Variants in SLC44A1 observed in about 807,000 individuals in gnomAD.
SLC44A1 encodes the protein solute carrier family 44 member 1, also known as choline transporter-like protein 1.
In SLC44A1, 26 loss-of-function variants were observed where a neutral mutation model predicts 79.3. The observed-to-expected ratio is 0.33, with a 90% CI of 0.24 to 0.46. The LOEUF (loss-of-function observed/expected upper bound fraction) is 0.46, where lower values mean the gene tolerates loss of function less well. SLC44A1 is among the 20% of genes least tolerant of loss of function. The probability of loss-of-function intolerance (pLI) is 1.00; values close to 1 mark genes in which losing one functional copy is unlikely to be tolerated. For synonymous variants in SLC44A1, 263 were observed against 286.2 expected, an observed-to-expected ratio of 0.92 and a Z score of 0.82; for missense variants, 688 against 798.1, an observed-to-expected ratio of 0.86 and a Z score of 1.66.
chr9:105,359,303 C>A (rs1201661865), intron 7 of SLC44A1, among the ~76,000 whole-genome samples: 3 of 151,626 alleles, frequency 2.0e-5, no homozygotes, highest in Non-Finnish European at 4.4e-5. Flanking sequence ...AGGAAAATTA[C>A]CAAAAAAGTA....
At chr9:105,363,741 A>C (rs1268959920) in intron 9 of SLC44A1, among the ~76,000 whole-genome samples, 1 of 152,250 alleles carries the variant, frequency 6.6e-6, no homozygotes, top group African/African-American at 2.4e-5. Flanking sequence ...CTGGGATTAC[A>C]GGCGTGAGCC....
At chr9:105,342,907 A>G (rs931999554) in intron 4 of SLC44A1, among the ~76,000 whole-genome samples, 1 of 151,980 alleles carries the variant, frequency 6.6e-6, no homozygotes, top group Non-Finnish European at 1.5e-5. Context: ...TGAGAGGCCA[A>G]GGCGGGAGGA....
At chr9:105,244,938 G>A (rs1829390962) in intron 1 of SLC44A1, 34 bp downstream of exon 1, 1 of 1,127,656 alleles carries the variant, frequency 8.9e-7, no homozygotes, top group Non-Finnish European at 1.1e-6. Context: ...CGCCCGCCCG[G>A]ATGCCTCCCG....
At chr9:105,315,082 C>T (rs1325957669) in intron 3 of SLC44A1, among the ~76,000 whole-genome samples, 1 of 151,994 alleles carries the variant, frequency 6.6e-6, no homozygotes, top group Non-Finnish European at 1.5e-5. Context: ...TCCCTCCTAA[C>T]GTTTAAAGAT....
Position 105,334,565 on chromosome 9 carries a change from A to G in SLC44A1, c.270-998A>G, listed in dbSNP as rs147712686. Among the ~76,000 whole-genome samples the G allele has an allele frequency of 3.4e-3, 524 of 152,216 alleles. 3 individuals carry two copies. Among genetic ancestry groups the G allele is most frequent in the African/African-American group, 0.012 (497 of 41,548 alleles). ...GATGCATGATTTTATAAAACTTCCTATGGACTCAGTGGAATTGAACCCTGG... is the reference window on the plus strand; with the variant it reads ...GATGCATGATTTTATAAAACTTCCTGTGGACTCAGTGGAATTGAACCCTGG... On this transcript the variant is annotated intron_variant, in intron 3 of 15. Coordinates refer to ENST00000374720, the MANE Select transcript of SLC44A1 (RefSeq NM_080546.5).
intron 1 of SLC44A1, among the ~76,000 whole-genome samples, chr9:105,258,628 C>A: frequency 6.6e-6 from 1 of 152,210 alleles, no homozygotes; most frequent in South Asian, 2.1e-4. Context: ...TTGAATGTAC[C>A]TTAGATACCA....
intron 1 of SLC44A1, among the ~76,000 whole-genome samples, chr9:105,279,564 C>G (rs1358795954): frequency 6.6e-6 from 1 of 152,124 alleles, no homozygotes; most frequent in African/African-American, 2.4e-5. Context: ...GAGCCGCCCG[C>G]CTCGGCCTCC....
chr9:105,388,478 A>C (rs905694332), intron 15 of SLC44A1, among the ~76,000 whole-genome samples: 2 of 152,122 alleles, frequency 1.3e-5, no homozygotes, highest in African/African-American at 4.8e-5. Flanking sequence ...CTCCCTCCTC[A>C]ATGAGATATT....
At chr9:105,370,858 T>G (rs1009493331) in intron 12 of SLC44A1, among the ~76,000 whole-genome samples, 5 of 152,160 alleles carry the variant, frequency 3.3e-5, no homozygotes, top group African/African-American at 1.2e-4. Context: ...CTAGTTGATT[T>G]AAATGGGTTG....
chr9:105,402,073 T>G (rs1828965817), downstream of SLC44A1, among the ~76,000 whole-genome samples: 1 of 152,170 alleles, frequency 6.6e-6, no homozygotes, highest in Non-Finnish European at 1.5e-5. Context: ...ACAGAAGTCA[T>G]TCAGGATGTC....
chr9:105,411,532 T>C (rs1192627950), intron 15 of SLC44A1, among the ~76,000 whole-genome samples: 6 of 151,022 alleles, frequency 4.0e-5, no homozygotes, highest in African/African-American at 1.5e-4. Flanking sequence ...GTCCCACTAA[T>C]GTTCTTTATG....
chr9:105,434,691 C>T (rs1829441461), intron 15 of SLC44A1, among the ~76,000 whole-genome samples: 1 of 152,158 alleles, frequency 6.6e-6, no homozygotes, highest in Admixed American at 6.5e-5. Context: ...CTGAATCTTC[C>T]AGTCACTCAT....
intron 1 of SLC44A1, among the ~76,000 whole-genome samples, chr9:105,273,898 T>C (rs34668343): frequency 0.012 from 1,880 of 152,280 alleles, 12 homozygotes; most frequent in Non-Finnish European, 0.019. Flanking sequence ...CATTTCTAAG[T>C]TGCAAGGAAT....
chr9:105,346,564 AT>A (rs1827252481), intron 4 of SLC44A1, among the ~76,000 whole-genome samples: 1 of 152,018 alleles, frequency 6.6e-6, no homozygotes, highest in Non-Finnish European at 1.5e-5. Flanking sequence ...CGCAGTTGCT[AT>A]TTTTCATGAG....
intron 15 of SLC44A1, among the ~76,000 whole-genome samples, chr9:105,435,789 A>C (rs966739425): frequency 1.3e-5 from 2 of 152,242 alleles, no homozygotes; most frequent in Non-Finnish European, 2.9e-5. Context: ...TAGTTGTGAC[A>C]AATATATCAT....
At chr9:105,292,434 T>A (rs1588742471) in intron 1 of SLC44A1, among the ~76,000 whole-genome samples, 1 of 152,218 alleles carries the variant, frequency 6.6e-6, no homozygotes, top group African/African-American at 2.4e-5. Context: ...TAAAAAAATC[T>A]TGAAATGAAG....
chr9:105,318,486 G>GT (rs1319569150), intron 3 of SLC44A1, among the ~76,000 whole-genome samples: 1 of 152,060 alleles, frequency 6.6e-6, no homozygotes, highest in African/African-American at 2.4e-5. Context: ...GGCCTATACA[G>GT]TTTTTTTCCT....
intron 1 of SLC44A1, among the ~76,000 whole-genome samples, chr9:105,284,316 C>A (rs1830426743): frequency 6.7e-6 from 1 of 149,566 alleles, no homozygotes; most frequent in Non-Finnish European, 1.5e-5. Flanking sequence ...CCTCCCACAT[C>A]AGCCTCCCAA....
At chr9:105,360,323 C>G (rs1250237322) in intron 7 of SLC44A1, among the ~76,000 whole-genome samples, 2 of 152,230 alleles carry the variant, frequency 1.3e-5, no homozygotes, top group Non-Finnish European at 2.9e-5. Flanking sequence ...CCCAGACACT[C>G]TATATCCTTC....
Sources: allele counts gnomAD v4.1 joint callset (sites outside exome capture counted in the v4.1 genomes callset), GRCh38; gene constraint gnomAD v4.1.1; transcripts MANE v1.5; gene names NCBI Gene and HGNC (gene_info 2026-07-23, HGNC 2026-07-21).